AMER1: variants seen among roughly 807,000 people sequenced by gnomAD.
AMER1 encodes APC membrane recruitment protein 1.
Under a neutral mutation model 53.0 loss-of-function variants are expected in AMER1, and 16 were observed. The observed-to-expected ratio is 0.30, with a 90% CI of 0.20 to 0.46. The LOEUF is 0.46. Among genes scored for constraint, AMER1 ranks in the 20% least tolerant of loss-of-function variants. AMER1 has a pLI of 1.00. For missense variants in AMER1, 947 were observed against 884.9 expected, an observed-to-expected ratio of 1.07 and a Z score of -0.89; for synonymous variants, 354 against 331.9, an observed-to-expected ratio of 1.07 and a Z score of -0.73.
chrX:64,193,463 A>T, intron 1 of AMER1, 79 bp from the exon 2 acceptor site: 1 of 648,492 alleles, frequency 1.5e-6, no homozygotes, highest in Non-Finnish European at 2.4e-6. Flanking sequence ...CTTTCACCGG[A>T]CGTCAGGCTT....
In AMER1 at chrX:64,191,637, T is replaced by C; in HGVS notation, c.1650A>G (p.Pro550=). The C allele has an allele frequency of 8.2e-7, 1 of 1,212,139 alleles. No individual in the cohort carries two copies. Among genetic ancestry groups the C allele is most frequent in the Non-Finnish European group, 1.1e-6 (1 of 895,606 alleles). Residue 550 remains proline, a synonymous_variant, in exon 2 of 2, where the codon CCA becomes CCG. Coordinates refer to ENST00000374869, the MANE Select transcript of AMER1 (RefSeq NM_152424.4). ...CTTCCTCTGTCTCCATTGCCCCAGG[T>C]GGCCGGGAGGACAAAAAGGGCTCAA... is the stretch of plus-strand genomic sequence containing the variant. ...LNFEPFLSSR[P]PGAMETEEER... is the part of the protein sequence containing the mutation.
Position 64,188,120 on chromosome X carries a change from G to C in AMER1, c.*1759C>G. 1 of 796,274 alleles carries C rather than the reference G, an allele frequency of 1.3e-6. No homozygotes were observed. The highest frequency in any genetic ancestry group is 1.5e-6 in the Non-Finnish European group (1 of 664,949). The allele number at this position is 796,274 out of a possible 1,213,427, so 65.6% of individuals were successfully genotyped here. On this transcript the variant is annotated 3_prime_UTR_variant, in exon 2 of 2. Coordinates refer to ENST00000374869, the MANE Select transcript of AMER1 (RefSeq NM_152424.4). ...AACAGTTTGCCCACAAAGTCACCTTGACTTAGGGGGCAAACAGCATCTGTT... is the reference window on the plus strand; with the variant it reads ...AACAGTTTGCCCACAAAGTCACCTTCACTTAGGGGGCAAACAGCATCTGTT...
In AMER1 at chrX:64,189,794, C is replaced by CCCCCCCCCCCCCAG; in HGVS notation, c.*84_*85insCTGGGGGGGGGGGG. ...AAAGGGTTTTCAAGTTAAACAACAA[C>CCCCCCCCCCCCCAG]CCCCACCCCCCCACCCTTCTGCCCA... On this transcript the variant is annotated 3_prime_UTR_variant, in exon 2 of 2. Coordinates refer to ENST00000374869, the MANE Select transcript of AMER1 (RefSeq NM_152424.4). 3.3e-6 allele frequency: 1 copy of CCCCCCCCCCCCCAG among 301,692 alleles called. No individual in the cohort carries two copies. The highest frequency in any genetic ancestry group is 4.3e-6 in the Non-Finnish European group (1 of 232,769). 24.9% of individuals were successfully genotyped at this position (301,692 alleles called of 1,213,427 possible). A position where few individuals can be genotyped will look rare whatever the true frequency, so the allele number is the denominator to read the frequency against.
rs1930145820 is a variant in AMER1, at chrX:64,188,187, G to C, written c.*1692C>G. ...ATATCTCAGGAATGGCAAGAACCCTGTTGACTTCTTCTCTCAACAGGCATG... is the reference window on the plus strand; with the variant it reads ...ATATCTCAGGAATGGCAAGAACCCTCTTGACTTCTTCTCTCAACAGGCATG... On this transcript the variant is annotated 3_prime_UTR_variant, in exon 2 of 2. Transcript: ENST00000374869. 5 of 805,549 alleles carry C rather than the reference G, an allele frequency of 6.2e-6. No individual in the cohort carries two copies. Among genetic ancestry groups the C allele is most frequent in the Non-Finnish European group, 7.5e-6 (5 of 670,565 alleles). 66.4% of individuals were successfully genotyped at this position (805,549 alleles called of 1,213,427 possible). A position where few individuals can be genotyped will look rare whatever the true frequency, so the allele number is the denominator to read the frequency against.
intron 1 of AMER1, among the ~76,000 whole-genome samples, chrX:64,204,445 C>T (rs1185169686): frequency 8.8e-6 from 1 of 113,600 alleles, no homozygotes; most frequent in East Asian, 2.8e-4. Context: ...CCCTCACCAC[C>T]GGGGGAGCCA....
intron 1 of AMER1, among the ~76,000 whole-genome samples, chrX:64,199,017 G>C (rs1930433857): frequency 8.9e-6 from 1 of 112,515 alleles, no homozygotes; most frequent in Non-Finnish European, 1.9e-5. Flanking sequence ...GAGCCTAAAG[G>C]AAGGGCTGCT....
In AMER1 at chrX:64,187,526, A is replaced by C. The variant is rs987663921; in HGVS notation, c.*2353T>G. ...TGAGGGCAGCTCTCAGCCCTTAGCC[A>C]AAGGTTGGCCACCTCCTTTTTCTCT... On this transcript the variant is annotated 3_prime_UTR_variant, in exon 2 of 2. Transcript: ENST00000374869. The C allele has an allele frequency of 1.3e-6, 1 of 779,828 alleles. No homozygotes were observed. The highest frequency in any genetic ancestry group is 8.2e-5 in the Admixed American group (1 of 12,123). The allele number at this position is 779,828 out of a possible 1,213,427, so 64.3% of individuals were successfully genotyped here.
chrX:64,195,829 T>C (rs979340489), intron 1 of AMER1, among the ~76,000 whole-genome samples: 3 of 112,438 alleles, frequency 2.7e-5, no homozygotes, highest in Non-Finnish European at 5.6e-5. Flanking sequence ...TATCATTCTT[T>C]ATACCTTGTA....
Position 64,189,793 on chromosome X carries a change from ACCCCCACC to A in AMER1, c.*78_*85del, listed in dbSNP as rs1416491207. Reference sequence around the variant, plus strand: ...CAAAGGGTTTTCAAGTTAAACAACAACCCCCACCCCCCCACCCTTCTGCCCAACCCCTG... The same window carrying A: ...CAAAGGGTTTTCAAGTTAAACAACAACCCCCACCCTTCTGCCCAACCCCTG... On this transcript the variant is annotated 3_prime_UTR_variant, in exon 2 of 2. Coordinates refer to ENST00000374869, the MANE Select transcript of AMER1 (RefSeq NM_152424.4). 16 of 290,174 alleles carry A rather than the reference ACCCCCACC, an allele frequency of 5.5e-5. 1 individual carries two copies. The highest frequency in any genetic ancestry group is 7.9e-5 in the Non-Finnish European group (16 of 203,368). The allele number at this position is 290,174 out of a possible 1,213,427, so 23.9% of individuals were successfully genotyped here.
rs1930295784 is a variant in AMER1 at position 64,193,156 on chromosome X, G to C, written c.131C>G (p.Pro44Arg). ...AEATEGPTSE[P>R]SSSGPGRLKK... ...CAGCCTACCTGGGCCGGATGAGGAT[G>C]GCTCTGAGGTTGGTCCTTCTGTCGC... Residue 44 changes from proline (P) to arginine (R), a missense_variant, in exon 2 of 2, where the codon CCA becomes CGA. Coordinates refer to ENST00000374869, the MANE Select transcript of AMER1 (RefSeq NM_152424.4). 1 of 1,210,173 alleles carries C rather than the reference G, an allele frequency of 8.3e-7. No individual in the cohort carries two copies.
chrX:64,189,793 A>ACCGGGGCCCCCCCCCCCCCCCC lies in AMER1; in HGVS notation c.*85_*86insGGGGGGGGGGGGGGGGCCCCGG. The stretch of plus-strand genomic sequence containing the variant: ...CAAAGGGTTTTCAAGTTAAACAACA[A>ACCGGGGCCCCCCCCCCCCCCCC]CCCCCACCCCCCCACCCTTCTGCCC... On this transcript the variant is annotated 3_prime_UTR_variant, in exon 2 of 2. Coordinates refer to ENST00000374869, the MANE Select transcript of AMER1 (RefSeq NM_152424.4). 3.4e-6 allele frequency: 1 copy of ACCGGGGCCCCCCCCCCCCCCCC among 292,073 alleles called. No individual in the cohort carries two copies. The highest frequency in any genetic ancestry group is 1.7e-4 in the East Asian group (1 of 5,962). 24.1% of individuals were successfully genotyped at this position (292,073 alleles called of 1,213,427 possible). A position where few individuals can be genotyped will look rare whatever the true frequency, so the allele number is the denominator to read the frequency against.
At chrX:64,200,018 A>G (rs928292282) in intron 1 of AMER1, among the ~76,000 whole-genome samples, 1 of 112,536 alleles carries the variant, frequency 8.9e-6, no homozygotes, top group Non-Finnish European at 1.9e-5. Flanking sequence ...GAGTCTTCTT[A>G]GTGCCCCAGG....
Position 64,192,970 on chromosome X carries a change from G to A in AMER1, c.317C>T (p.Pro106Leu), listed in dbSNP as rs2147090797. Residue 106 changes from proline to leucine, a missense_variant, in exon 2 of 2, where the codon CCT (proline) becomes CTT (leucine). Coordinates refer to ENST00000374869, the MANE Select transcript of AMER1 (RefSeq NM_152424.4). ...AGTTCCTTCACTGACAACATCTTCA[G>A]GGCCATGGGCTGCTTCACTCAGGCC... ...HDGLSEAAHG[P>L]EDVVSEGTGF... 3 of 1,211,699 alleles carry A rather than the reference G, an allele frequency of 2.5e-6. No homozygotes were observed. Among genetic ancestry groups the A allele is most frequent in the Middle Eastern group, 2.3e-4 (1 of 4,354 alleles).
In AMER1 at chrX:64,193,225, C is replaced by T. The variant is rs374303948; in HGVS notation, c.62G>A (p.Arg21His). The change falls in exon 2 of 2, where the codon CGT (arginine) becomes CAT (histidine). Residue 21 changes from arginine (R) to histidine (H), a missense_variant. Transcript: ENST00000374869. ...AKGAAASGSTREQTAEKGAKN... is the reference protein window; with the variant it reads ...AKGAAASGSTHEQTAEKGAKN... ...GGCTCCTTTTTCTGCTGTTTGTTCACGGGTACTCCCAGAGGCTGCAGCTCC... is the reference window on the plus strand; with the variant it reads ...GGCTCCTTTTTCTGCTGTTTGTTCATGGGTACTCCCAGAGGCTGCAGCTCC... 252 of 1,210,055 alleles carry T rather than the reference C, an allele frequency of 2.1e-4. No homozygotes were observed. Among genetic ancestry groups the T allele is most frequent in the Middle Eastern group, 4.6e-4 (2 of 4,367 alleles).
intron 1 of AMER1, among the ~76,000 whole-genome samples, chrX:64,202,522 T>C (rs762884727): frequency 5.4e-5 from 6 of 111,750 alleles, no homozygotes; most frequent in Non-Finnish European, 1.1e-4. Flanking sequence ...TCTGTAAGCA[T>C]AGCAGTTCAA....
rs1305605833 is a variant in AMER1, at chrX:64,191,868, G to A, written c.1419C>T (p.Asp473=). The change falls in exon 2 of 2, where the codon GAC becomes GAT. Residue 473 remains aspartate, a synonymous_variant. Transcript: ENST00000374869. ...CATCCTCAAATCCAGGTGTGGTGGA[G>A]TCATAATAACCTTCATCACTATTGG... The part of the protein sequence containing the change: ...SAPNSDEGYY[D]STTPGFEDDS... 2.5e-6 allele frequency: 3 copies of A among 1,209,846 alleles called. No individual in the cohort carries two copies.
At chrX:64,204,805 T>G (rs1930563827) in intron 1 of AMER1, among the ~76,000 whole-genome samples, 1 of 113,445 alleles carries the variant, frequency 8.8e-6, no homozygotes, top group African/African-American at 3.2e-5. Flanking sequence ...CTTGCGCCGC[T>G]GCTCTAACCC....
chrX:64,204,811 A>T (rs1930564083), intron 1 of AMER1, among the ~76,000 whole-genome samples: 1 of 113,407 alleles, frequency 8.8e-6, no homozygotes, highest in Admixed American at 9.2e-5. Flanking sequence ...CCGCTGCTCT[A>T]ACCCAAGGAC....
At chrX:64,196,102 G>C (rs969542720) in intron 1 of AMER1, among the ~76,000 whole-genome samples, 13 of 112,045 alleles carry the variant, frequency 1.2e-4, no homozygotes, top group African/African-American at 4.2e-4. Context: ...CCTTGCCCTT[G>C]CTCCTATGCT....
Sources: gnomAD v4.1 joint callset for allele counts (sites outside exome capture counted in the v4.1 genomes callset) on GRCh38, gnomAD v4.1.1 for gene constraint, MANE v1.5 for transcripts, NCBI Gene and HGNC (gene_info 2026-07-23, HGNC 2026-07-21) for gene names.